Variants in HEATR5A observed in about 807,000 individuals in gnomAD.
HEATR5A encodes HEAT repeat containing 5A.
A neutral mutation model predicts 218.8 loss-of-function variants in HEATR5A; 178 were observed. The ratio of observed to expected loss-of-function variants is 0.81; its 90% CI spans 0.72 to 0.92. The LOEUF is 0.92. Ranked by LOEUF, HEATR5A falls within the 40% of genes least tolerant of loss-of-function variation. The pLI is 0.00. For synonymous variants in HEATR5A, 864 were observed against 871.6 expected, an observed-to-expected ratio of 0.99 and a Z score of 0.15; for missense variants, 2,420 against 2,418.9, an observed-to-expected ratio of 1.00 and a Z score of -0.01.
chr14:31,302,359 G>T lies in HEATR5A; in HGVS notation c.5400C>A (p.Ser1800Arg). 6.2e-7 allele frequency: 1 copy of T among 1,604,442 alleles called. No individual in the cohort carries two copies. The highest frequency in any genetic ancestry group is 8.5e-7 in the Non-Finnish European group (1 of 1,175,470). ...GGAGAAGGTCAGTCCAAGCAGTACG[G>T]CTCTTTTCTGCCCGGGCCATGGGAG... The part of the protein sequence containing the change: ...LSSPMARAEK[S>R]RTAWTDLLRS... The change falls in exon 33 of 36, where the codon AGC (serine) becomes AGA (arginine). Residue 1800 changes from serine to arginine, a missense_variant. Ser to Arg is a moderately radical substitution (Grantham distance 110). Transcript: ENST00000543095.
intron 22 of HEATR5A, chr14:31,334,536 T>C (rs138167974): frequency 2.3e-5 from 10 of 434,710 alleles, no homozygotes; most frequent in Middle Eastern, 3.5e-4. Context: ...GAGAACTGAT[T>C]CTAGTTTTCA....
chr14:31,341,365 G>A (rs1005652954), intron 21 of HEATR5A, among the ~76,000 whole-genome samples: 1 of 151,302 alleles, frequency 6.6e-6, no homozygotes, highest in African/African-American at 2.4e-5. Flanking sequence ...GATTTGGGAA[G>A]GCAAAAAGTT....
Position 31,323,731 on chromosome 14 carries a change from C to G in HEATR5A, c.3621G>C (p.Leu1207=). Residue 1207 remains leucine, a synonymous_variant, in exon 24 of 36, where the codon CTG becomes CTC. Coordinates refer to ENST00000543095, the MANE Select transcript of HEATR5A (RefSeq NM_015473.4). ...GGGATTTTTCATCACGTCTGGTGGT[C>G]AGGACTGAGGCATCATCCCCTTTAT... ...EGDKGDDASV[L]TTRRDEKSHP... is the part of the protein sequence containing the mutation. 2.5e-6 allele frequency: 4 copies of G among 1,613,192 alleles called. No individual in the cohort carries two copies. The highest frequency in any genetic ancestry group is 3.4e-6 in the Non-Finnish European group (4 of 1,179,292).
chr14:31,315,583 CG>C (rs1307002691), intron 27 of HEATR5A, among the ~76,000 whole-genome samples, 186 bp downstream of exon 27: 1 of 152,136 alleles, frequency 6.6e-6, no homozygotes, highest in African/African-American at 2.4e-5. Context: ...TAATAGACTA[CG>C]GAAGACTCTT....
chr14:31,312,971 C>T lies in HEATR5A; in HGVS notation c.4438G>A (p.Glu1480Lys), dbSNP rs373674090. 44 of 1,606,148 alleles carry T rather than the reference C, an allele frequency of 2.7e-5. No homozygotes were observed. The highest frequency in any genetic ancestry group is 1.7e-4 in the Middle Eastern group (1 of 6,044). The change falls in exon 28 of 36, where the codon GAA (glutamate) becomes AAA (lysine). Residue 1480 changes from glutamate to lysine, a missense_variant. Physicochemically the swap from Glu to Lys is moderately conservative, Grantham distance 56. Coordinates refer to ENST00000543095, the MANE Select transcript of HEATR5A (RefSeq NM_015473.4). ...PSEFASQLPAEGGAFYTAETS... is the reference protein window; with the variant it reads ...PSEFASQLPAKGGAFYTAETS... ...TCTAAGTATTTTATCTCCTTACCTT[C>T]AGCAGGAAGTTGGGAGGCAAATTCT...
chr14:31,345,886 TG>T (rs1162128252), intron 19 of HEATR5A, among the ~76,000 whole-genome samples: 2 of 150,194 alleles, frequency 1.3e-5, no homozygotes, highest in East Asian at 3.9e-4. Context: ...TGTGCATTTA[TG>T]GCAGGTGCGC....
At chr14:31,317,769 T>C (rs1235896162) in intron 26 of HEATR5A, among the ~76,000 whole-genome samples, 2 of 152,228 alleles carry the variant, frequency 1.3e-5, no homozygotes, top group African/African-American at 4.8e-5. Context: ...ATGTAAAAGT[T>C]TGATGACTCA....
At chr14:31,349,485 T>C (rs1901139870) in intron 18 of HEATR5A, among the ~76,000 whole-genome samples, 1 of 152,232 alleles carries the variant, frequency 6.6e-6, no homozygotes, top group Non-Finnish European at 1.5e-5. Context: ...ATATATGTTT[T>C]ACATTATAAA....
intron 16 of HEATR5A, among the ~76,000 whole-genome samples, chr14:31,352,884 G>C (rs1360679485): frequency 6.6e-6 from 1 of 151,878 alleles, no homozygotes; most frequent in East Asian, 1.9e-4. Context: ...CTTGAGCCAA[G>C]AGTGGAGGTT....
At chr14:31,302,250 C>G in intron 33 of HEATR5A, 45 bp downstream of exon 33, 1 of 1,392,202 alleles carries the variant, frequency 7.2e-7, no homozygotes, top group Non-Finnish European at 1.0e-6. Context: ...CTCTTCTTCT[C>G]ACTTTTTAAG....
chr14:31,320,193 G>A (rs370482852), intron 25 of HEATR5A: 106 of 605,736 alleles, frequency 1.7e-4, no homozygotes, highest in East Asian at 1.5e-3. Context: ...AGTTGCAGCT[G>A]CAGGGACAGG....
At chr14:31,309,213 G>A in intron 28 of HEATR5A, 31 bp from the exon 29 acceptor site, 1 of 1,598,216 alleles carries the variant, frequency 6.3e-7, no homozygotes, top group Non-Finnish European at 8.5e-7. Flanking sequence ...AAAAATAAGA[G>A]ATTAACTTCC....
intron 32 of HEATR5A, among the ~76,000 whole-genome samples, chr14:31,304,257 C>T (rs1899482694): frequency 6.6e-6 from 1 of 152,096 alleles, no homozygotes; most frequent in Non-Finnish European, 1.5e-5. Context: ...CCAAACAGAA[C>T]CAGATACAAT....
chr14:31,412,784 G>A (rs2139325763), intron 1 of HEATR5A, among the ~76,000 whole-genome samples: 1 of 152,174 alleles, frequency 6.6e-6, no homozygotes, highest in East Asian at 1.9e-4. Flanking sequence ...TGAGGCAGGA[G>A]AATCGCTTGA....
At chr14:31,398,427 T>G (rs2030741331) in intron 4 of HEATR5A, among the ~76,000 whole-genome samples, 1 of 152,224 alleles carries the variant, frequency 6.6e-6, no homozygotes, top group African/African-American at 2.4e-5. Flanking sequence ...GTAAGTGGAA[T>G]ACGTTAGTTT....
chr14:31,403,648 A>C (rs1202054176), intron 1 of HEATR5A, among the ~76,000 whole-genome samples: 1 of 152,244 alleles, frequency 6.6e-6, no homozygotes, highest in Non-Finnish European at 1.5e-5. Flanking sequence ...TTGTGAGAGC[A>C]AACTTTTTTA....
intron 19 of HEATR5A, among the ~76,000 whole-genome samples, chr14:31,345,538 G>T (rs1330784345): frequency 6.6e-6 from 1 of 152,110 alleles, no homozygotes; most frequent in Non-Finnish European, 1.5e-5. Flanking sequence ...TTGAAAAATT[G>T]TTTATTGTTT....
chr14:31,338,168 C>G (rs7159731), intron 21 of HEATR5A, among the ~76,000 whole-genome samples: 60,363 of 152,032 alleles, frequency 0.4, 12,215 homozygotes, highest in Non-Finnish European at 0.43. Flanking sequence ...GTTTGTAACA[C>G]TACTGCATCT....
intron 34 of HEATR5A, 48 bp from the exon 35 acceptor site, chr14:31,294,152 A>G: frequency 8.0e-7 from 1 of 1,246,372 alleles, no homozygotes; most frequent in Non-Finnish European, 1.1e-6. Context: ...ATAAATTTTT[A>G]AAAAGTCCCT....
Sources: allele counts gnomAD v4.1 joint callset (sites outside exome capture counted in the v4.1 genomes callset), GRCh38; gene constraint gnomAD v4.1.1; transcripts MANE v1.5; gene names NCBI Gene and HGNC (gene_info 2026-07-23, HGNC 2026-07-21).